Variants in GPC5 observed in about 807,000 individuals in gnomAD.
GPC5 encodes glypican 5, also known as glypican-5.
Under a neutral mutation model 53.9 loss-of-function variants are expected in GPC5, and 47 were observed. That is an observed-to-expected ratio of 0.87 (90% CI 0.69 to 1.11). The LOEUF (loss-of-function observed/expected upper bound fraction) is 1.11. GPC5 is among the 50% of genes most tolerant of loss of function. GPC5 has a pLI of 0.00. For synonymous variants in GPC5, 286 were observed against 263.3 expected, an observed-to-expected ratio of 1.09 and a Z score of -0.84; for missense variants, 748 against 713.1, an observed-to-expected ratio of 1.05 and a Z score of -0.56.
At chr13:91,591,093 C>T (rs1422062936) in intron 2 of GPC5, among the ~76,000 whole-genome samples, 1 of 152,150 alleles carries the variant, frequency 6.6e-6, no homozygotes, top group East Asian at 1.9e-4. Flanking sequence ...TGTAAAGCTC[C>T]TAAGACAGTG....
At chr13:91,659,618 T>C (rs2034934674) in intron 2 of GPC5, among the ~76,000 whole-genome samples, 1 of 152,172 alleles carries the variant, frequency 6.6e-6, no homozygotes, top group Non-Finnish European at 1.5e-5. Flanking sequence ...CTAGGAGTAG[T>C]CCCTTTCAAG....
At chr13:92,512,265 T>C (rs1426151026) in intron 7 of GPC5, among the ~76,000 whole-genome samples, 1 of 148,602 alleles carries the variant, frequency 6.7e-6, no homozygotes, top group Admixed American at 6.8e-5. Flanking sequence ...CGCGCGCGCG[T>C]ACGCTGTGTG....
rs35352976 is a variant in GPC5, at chr13:92,455,873, T to C, written c.1561+310884T>C. Among the ~76,000 whole-genome samples, 812 of 152,316 alleles carry C rather than the reference T, an allele frequency of 5.3e-3. 12 individuals carry two copies. The highest frequency in any genetic ancestry group is 0.02 in the Middle Eastern group (6 of 294). On this transcript the variant is annotated intron_variant, in intron 7 of 7. Coordinates refer to ENST00000377067, the MANE Select transcript of GPC5 (RefSeq NM_004466.6). The stretch of plus-strand genomic sequence containing the variant: ...CGAAATGTTCAAACTCACTGCATAT[T>C]ACCAGTTATCAAAAAACGTGTCTCT...
intron 1 of GPC5, among the ~76,000 whole-genome samples, chr13:91,413,790 C>T (rs12874978): frequency 0.061 from 9,275 of 152,190 alleles, 383 homozygotes; most frequent in Non-Finnish European, 0.092. Flanking sequence ...TTTAACTTTG[C>T]GTGCTCTTTC....
At chr13:91,871,292 G>T (rs1457641949) in intron 5 of GPC5, among the ~76,000 whole-genome samples, 1 of 152,062 alleles carries the variant, frequency 6.6e-6, no homozygotes, top group African/African-American at 2.4e-5. Flanking sequence ...ACTTATAAGT[G>T]GGAGCTAAAG....
At chr13:92,297,996 C>T (rs71427549) in intron 7 of GPC5, among the ~76,000 whole-genome samples, 1,630 of 152,196 alleles carry the variant, frequency 0.011, 27 homozygotes, top group Middle Eastern at 0.048. Context: ...CGAGGGTCCG[C>T]GGCTTCATTC....
intron 5 of GPC5, among the ~76,000 whole-genome samples, chr13:91,857,744 T>C (rs538999654): frequency 3.3e-5 from 5 of 151,556 alleles, no homozygotes; most frequent in African/African-American, 1.2e-4. Context: ...AGTATGACAT[T>C]TGATGTATGA....
rs544993262 is a variant in GPC5 at position 91,781,711 on chromosome 13, T to A, written c.1280+25291T>A. Among the ~76,000 whole-genome samples, 17 of 152,354 alleles carry A rather than the reference T, an allele frequency of 1.1e-4. 1 individual carries two copies. Among genetic ancestry groups the A allele is most frequent in the Admixed American group, 7.2e-4 (11 of 15,304 alleles). ...ATGAGAAAACTGCAGCACTGATAAG[T>A]CGAATCCACCCGAGTGCATTCTTAA... On this transcript the variant is annotated intron_variant, in intron 5 of 7. Coordinates refer to ENST00000377067, the MANE Select transcript of GPC5 (RefSeq NM_004466.6).
At chr13:91,647,481 G>A (rs1466252645) in intron 2 of GPC5, among the ~76,000 whole-genome samples, 2 of 152,218 alleles carry the variant, frequency 1.3e-5, no homozygotes, top group Non-Finnish European at 2.9e-5. Context: ...TGACCTGACT[G>A]AGGGCCCAGG....
chr13:92,598,133 C>A (rs1883936076), intron 7 of GPC5, among the ~76,000 whole-genome samples: 1 of 152,054 alleles, frequency 6.6e-6, no homozygotes. Context: ...TCTGACAAGA[C>A]CATTAGTGAT....
chr13:92,396,072 C>CTT (rs34240555), intron 7 of GPC5, among the ~76,000 whole-genome samples: 94,710 of 151,580 alleles, frequency 0.62, 29,809 homozygotes, highest in East Asian at 0.74. Context: ...CTTTTTTGCT[C>CTT]GTGTTTGAAT....
At chr13:91,975,505 AAC>A (rs1259023392) in intron 6 of GPC5, among the ~76,000 whole-genome samples, 3 of 152,220 alleles carry the variant, frequency 2.0e-5, no homozygotes, top group Non-Finnish European at 4.4e-5. Flanking sequence ...ATGCAGCCAA[AAC>A]ACACATGAAA....
At chr13:92,232,572 T>G (rs1029888553) in intron 7 of GPC5, among the ~76,000 whole-genome samples, 2 of 152,214 alleles carry the variant, frequency 1.3e-5, no homozygotes, top group African/African-American at 4.8e-5. Flanking sequence ...TACAGTTTTC[T>G]TAACAGAAAT....
intron 4 of GPC5, among the ~76,000 whole-genome samples, chr13:91,731,227 G>A (rs1014893089): frequency 2.0e-5 from 3 of 152,186 alleles, no homozygotes; most frequent in African/African-American, 4.8e-5. Context: ...TAGTCACCAC[G>A]TATAAAGGAA....
chr13:92,031,869 T>C (rs1380849013), intron 6 of GPC5, among the ~76,000 whole-genome samples: 10 of 107,450 alleles, frequency 9.3e-5, no homozygotes, highest in South Asian at 2.4e-4. Context: ...ATATATATTA[T>C]ATATAACATA....
rs150913509 is a variant in GPC5, at chr13:92,795,149, A to T, written c.1562-71133A>T. Among the ~76,000 whole-genome samples, 322 of 152,302 alleles carry T rather than the reference A, an allele frequency of 2.1e-3. 2 individuals carry two copies. Among genetic ancestry groups the T allele is most frequent in the Non-Finnish European group, 3.7e-3 (254 of 68,012 alleles). On this transcript the variant is annotated intron_variant, in intron 7 of 7. Transcript: ENST00000377067. ...ACTTCAAACTGTACTACGAGACTACAGTAACCAAAAAAGCATGGTACTGGT... is the reference window on the plus strand; with the variant it reads ...ACTTCAAACTGTACTACGAGACTACTGTAACCAAAAAAGCATGGTACTGGT...
intron 4 of GPC5, among the ~76,000 whole-genome samples, chr13:91,750,694 TTTTGAGATGGA>T (rs2037154669): frequency 6.7e-6 from 1 of 148,606 alleles, no homozygotes; most frequent in Non-Finnish European, 1.5e-5. Flanking sequence ...TTTTTTTTTT[TTTTGAGATGGA>T]GTTTCGCTCT....
intron 2 of GPC5, among the ~76,000 whole-genome samples, chr13:91,494,349 T>TTATTA (rs781772788): frequency 0.022 from 1,605 of 74,346 alleles, 25 homozygotes; most frequent in African/African-American, 0.066. Flanking sequence ...TATTATTATT[T>TTATTA]TTATTAATTA....
chr13:92,066,537 C>T (rs749527403), intron 6 of GPC5, among the ~76,000 whole-genome samples: 5 of 151,786 alleles, frequency 3.3e-5, no homozygotes, highest in Non-Finnish European at 7.4e-5. Flanking sequence ...TTGAAGGGAA[C>T]ATTAAAACCA....
Sources: allele counts gnomAD v4.1 joint callset (sites outside exome capture counted in the v4.1 genomes callset), GRCh38; gene constraint gnomAD v4.1.1; transcripts MANE v1.5; gene names NCBI Gene and HGNC (gene_info 2026-07-23, HGNC 2026-07-21).